The following SULF1 variants were observed in gnomAD, a reference collection of about 807,000 sequenced individuals.
SULF1 encodes sulfatase 1.
Under a neutral mutation model 110.5 loss-of-function variants are expected in SULF1, and 46 were observed. That is an observed-to-expected ratio of 0.42 (90% CI 0.33 to 0.53). The LOEUF is 0.53. Ranked by LOEUF, SULF1 falls within the 20% of genes least tolerant of loss-of-function variation. The probability of loss-of-function intolerance (pLI) is 0.12; values close to 1 mark genes in which losing one functional copy is unlikely to be tolerated. For missense variants in SULF1, 941 were observed against 1,094.2 expected (o/e 0.86, Z 1.98); for synonymous variants, 371 against 387.1 (o/e 0.96, Z 0.49).
At chr8:69,510,294 G>T (rs1811464865) in intron 3 of SULF1, among the ~76,000 whole-genome samples, 1 of 152,222 alleles carries the variant, frequency 6.6e-6, no homozygotes, top group Admixed American at 6.5e-5. Context: ...CATGAGAGAA[G>T]TATGGTTTAA....
intron 1 of SULF1, among the ~76,000 whole-genome samples, chr8:69,479,373 C>A (rs140774057): frequency 2.0e-5 from 3 of 152,248 alleles, no homozygotes; most frequent in African/African-American, 7.2e-5. Flanking sequence ...AATTAAAACA[C>A]CCTGTTAATT....
chr8:69,599,075 G>T (rs1339272438), intron 8 of SULF1, among the ~76,000 whole-genome samples: 1 of 152,276 alleles, frequency 6.6e-6, no homozygotes, highest in South Asian at 2.1e-4. Context: ...GGGTATCACC[G>T]TGAATCTCAG....
chr8:69,487,645 G>T (rs1356300431), intron 1 of SULF1, among the ~76,000 whole-genome samples: 1 of 152,214 alleles, frequency 6.6e-6, no homozygotes, highest in Non-Finnish European at 1.5e-5. Context: ...ACTGAACCAA[G>T]AATATATTGT....
intron 3 of SULF1, among the ~76,000 whole-genome samples, chr8:69,547,340 T>A (rs1374667328): frequency 1.3e-5 from 2 of 152,188 alleles, no homozygotes; most frequent in African/African-American, 4.8e-5. Flanking sequence ...AGAGCAAATA[T>A]CTTCCCCTGG....
chr8:69,492,572 G>A (rs1186403219), upstream of SULF1, among the ~76,000 whole-genome samples: 3 of 152,286 alleles, frequency 2.0e-5, no homozygotes, highest in South Asian at 2.1e-4. Flanking sequence ...GGAACCACAT[G>A]CCTGGAAACC....
chr8:69,593,277 C>T (rs1351854884), intron 8 of SULF1, among the ~76,000 whole-genome samples: 1 of 152,202 alleles, frequency 6.6e-6, no homozygotes, highest in Non-Finnish European at 1.5e-5. Context: ...GTGCATGGAA[C>T]TGCTCAATGA....
chr8:69,479,631 T>C (rs1053542145), intron 1 of SULF1, among the ~76,000 whole-genome samples: 1 of 152,112 alleles, frequency 6.6e-6, no homozygotes, highest in African/African-American at 2.4e-5. Context: ...ACACAGAATG[T>C]TGGAGGCGTA....
chr8:69,640,341 T>C (rs1044288514), intron 21 of SULF1, among the ~76,000 whole-genome samples: 50 of 152,328 alleles, frequency 3.3e-4, no homozygotes, highest in African/African-American at 1.2e-3. Flanking sequence ...TGAAATCTGA[T>C]CGAGTCCCTT....
intron 22 of SULF1, among the ~76,000 whole-genome samples, chr8:69,649,644 A>G (rs1812179631): frequency 6.6e-6 from 1 of 152,176 alleles, no homozygotes; most frequent in South Asian, 2.1e-4. Context: ...CATGCCAGTT[A>G]TTTTGTAAAA....
chr8:69,618,453 G>C (rs1419971861), intron 13 of SULF1, among the ~76,000 whole-genome samples: 1 of 152,180 alleles, frequency 6.6e-6, no homozygotes, highest in Non-Finnish European at 1.5e-5. Flanking sequence ...TAGAGATAAA[G>C]TATACAAGAG....
intron 3 of SULF1, among the ~76,000 whole-genome samples, chr8:69,506,502 T>G (rs1811208393): frequency 6.6e-6 from 1 of 152,234 alleles, no homozygotes; most frequent in Admixed American, 6.5e-5. Flanking sequence ...AGTGAGCTTA[T>G]GTTTAAAGAA....
chr8:69,579,953 A>G (rs1208771562), intron 6 of SULF1, among the ~76,000 whole-genome samples: 1 of 152,228 alleles, frequency 6.6e-6, no homozygotes, highest in African/African-American at 2.4e-5. Context: ...ACATACATAA[A>G]TATCCATCTA....
Position 69,628,225 on chromosome 8 carries a change from T to C in SULF1, c.2097T>C (p.Leu699=). The C allele has an allele frequency of 6.2e-7, 1 of 1,613,856 alleles. No homozygotes were observed. The highest frequency in any genetic ancestry group is 8.5e-7 in the Non-Finnish European group (1 of 1,179,724). ...VKKQEKLKSH[L]HPFKEAAQEV... is the part of the protein sequence containing the mutation. The stretch of plus-strand genomic sequence containing the variant: ...AGCAAGAGAAATTAAAGAGCCATCT[T>C]CACCCATTCAAGTAAGTAACTCTCT... Residue 699 remains leucine (L), a synonymous_variant, in exon 18 of 23, where the codon CTT becomes CTC. Transcript: ENST00000402687.
At chr8:69,616,567 A>C (rs1233708774) in intron 13 of SULF1, among the ~76,000 whole-genome samples, 3 of 151,144 alleles carry the variant, frequency 2.0e-5, no homozygotes, top group Non-Finnish European at 4.4e-5. Flanking sequence ...ATGCCCAGCT[A>C]ATTTTTGTAT....
chr8:69,632,408 A>G (rs1332412338), intron 19 of SULF1, among the ~76,000 whole-genome samples: 1 of 152,174 alleles, frequency 6.6e-6, no homozygotes, highest in Non-Finnish European at 1.5e-5. Context: ...TAATATATAT[A>G]CTAAAGTAAA....
chr8:69,630,746 GA>G (rs901816360), intron 19 of SULF1, among the ~76,000 whole-genome samples: 5 of 151,588 alleles, frequency 3.3e-5, no homozygotes, highest in South Asian at 2.1e-4. Context: ...GGTACAGGTA[GA>G]AAAAAAAGAA....
intron 22 of SULF1, among the ~76,000 whole-genome samples, chr8:69,642,570 C>T (rs545748396): frequency 3.0e-4 from 45 of 152,240 alleles, no homozygotes; most frequent in African/African-American, 1.1e-3. Flanking sequence ...CACACCAGGA[C>T]GATCTTCCCT....
intron 3 of SULF1, among the ~76,000 whole-genome samples, chr8:69,546,249 A>G (rs765298997): frequency 3.3e-5 from 5 of 152,260 alleles, no homozygotes; most frequent in Non-Finnish European, 5.9e-5. Context: ...TTTTCAAGAA[A>G]TGGTAACAGA....
At chr8:69,644,400 A>G (rs10106958) in intron 22 of SULF1, among the ~76,000 whole-genome samples, 56,855 of 152,070 alleles carry the variant, frequency 0.37, 10,723 homozygotes, top group South Asian at 0.45. Context: ...AGAGTATGGG[A>G]AAGGGAATTT....
Sources: allele counts gnomAD v4.1 joint callset (sites outside exome capture counted in the v4.1 genomes callset), GRCh38; gene constraint gnomAD v4.1.1; transcripts MANE v1.5; gene names NCBI Gene and HGNC (gene_info 2026-07-23, HGNC 2026-07-21).